PTPRD: variants seen among roughly 807,000 people sequenced by gnomAD.
PTPRD encodes the protein protein tyrosine phosphatase receptor type D, also known as receptor-type tyrosine-protein phosphatase delta.
Under a neutral mutation model 214.5 loss-of-function variants are expected in PTPRD, and 34 were observed. The observed-to-expected ratio is 0.16, with a 90% CI of 0.12 to 0.21. The LOEUF (loss-of-function observed/expected upper bound fraction) is 0.21, where lower values mean the gene tolerates loss of function less well. PTPRD is among the 10% of genes least tolerant of loss of function. The pLI, the probability that PTPRD is intolerant of heterozygous loss-of-function variation, is 1.00. For missense variants in PTPRD, 2,545 were observed against 2,398.7 expected (o/e 1.06, Z -1.27); for synonymous variants, 1,128 against 845.7 (o/e 1.33, Z -5.79).
chr9:9,588,036 G>A (rs577845794), intron 7 of PTPRD, among the ~76,000 whole-genome samples: 1 of 151,830 alleles, frequency 6.6e-6, no homozygotes, highest in Non-Finnish European at 1.5e-5. Flanking sequence ...TAATACACAA[G>A]ATCATGGATA....
intron 5 of PTPRD, among the ~76,000 whole-genome samples, chr9:9,804,322 G>C (rs1325947313): frequency 6.6e-6 from 1 of 152,018 alleles, no homozygotes; most frequent in African/African-American, 2.4e-5. Context: ...AGCCCGCTTG[G>C]AAATGGCTGG....
intron 3 of PTPRD, among the ~76,000 whole-genome samples, chr9:10,093,612 A>G (rs1262793728): frequency 1.3e-5 from 2 of 151,608 alleles, no homozygotes; most frequent in East Asian, 3.9e-4. Flanking sequence ...AAAGGAAAAT[A>G]CATTGTTCTA....
At chr9:9,885,394 T>C (rs1033351331) in intron 5 of PTPRD, among the ~76,000 whole-genome samples, 1 of 152,056 alleles carries the variant, frequency 6.6e-6, no homozygotes, top group Non-Finnish European at 1.5e-5. Flanking sequence ...AAAGTTCCAC[T>C]GAGAATTTCA....
Position 9,857,839 on chromosome 9 carries a change from G to C in PTPRD, c.-368+80668C>G, listed in dbSNP as rs1342243520. On this transcript the variant is annotated intron_variant, in intron 5 of 45. Coordinates refer to ENST00000381196, the MANE Select transcript of PTPRD (RefSeq NM_002839.4). ...CACATTTAGTATTTGTCTTCTGAAA[G>C]AGTATAAGTCTGGTTGAAGAAAGAG... 2.6e-5 allele frequency among the ~76,000 whole-genome samples: 4 copies of C among 152,152 alleles called. 1 individual carries two copies. Among genetic ancestry groups the C allele is most frequent in the Admixed American group, 2.6e-4 (4 of 15,270 alleles).
intron 6 of PTPRD, among the ~76,000 whole-genome samples, chr9:9,766,251 A>T (rs972950930): frequency 6.6e-6 from 1 of 152,154 alleles, no homozygotes; most frequent in African/African-American, 2.4e-5. Context: ...ATAGCATTCC[A>T]GTTTGAAATA....
chr9:8,919,946 A>C (rs913805152), intron 11 of PTPRD, among the ~76,000 whole-genome samples: 2 of 142,128 alleles, frequency 1.4e-5, no homozygotes, highest in Non-Finnish European at 3.2e-5. Context: ...ATGCATGTAC[A>C]CATGTATGTA....
At chr9:9,939,551 A>G (rs1013006333) in intron 4 of PTPRD, among the ~76,000 whole-genome samples, 1 of 152,180 alleles carries the variant, frequency 6.6e-6, no homozygotes, top group African/African-American at 2.4e-5. Context: ...GACCAGGTCA[A>G]TAAAACCTAT....
chr9:10,561,417 TTG>T (rs2063936063), intron 2 of PTPRD, among the ~76,000 whole-genome samples: 2 of 152,136 alleles, frequency 1.3e-5, no homozygotes, highest in South Asian at 4.1e-4. Context: ...GTTGAATAAT[TTG>T]TGTTATTTCT....
intron 8 of PTPRD, among the ~76,000 whole-genome samples, chr9:9,415,416 G>T (rs2076705089): frequency 1.3e-5 from 2 of 152,246 alleles, no homozygotes; most frequent in African/African-American, 4.8e-5. Context: ...AGAGGTTTCA[G>T]TGAGCCAAGA....
rs376507907 is a variant in PTPRD, at chr9:9,340,674, C to T, written c.-203+56775G>A. Among the ~76,000 whole-genome samples, 65 of 152,324 alleles carry T rather than the reference C, an allele frequency of 4.3e-4. 1 individual carries two copies. The highest frequency in any genetic ancestry group is 2.7e-3 in the South Asian group (13 of 4,830). ...ATGAATTGAATAGAGTTGGCCCCAG[C>T]TGGAAAGCTGTTGGACATGCTGTTG... On this transcript the variant is annotated intron_variant, in intron 9 of 45. Coordinates refer to ENST00000381196, the MANE Select transcript of PTPRD (RefSeq NM_002839.4).
chr9:9,363,110 GCT>G (rs1491168004), intron 9 of PTPRD, among the ~76,000 whole-genome samples: 2 of 70,952 alleles, frequency 2.8e-5, no homozygotes, highest in South Asian at 5.3e-4. Flanking sequence ...ACTATTTTGT[GCT>G]TTTTTTTTTT....
intron 2 of PTPRD, among the ~76,000 whole-genome samples, chr9:10,522,433 T>C (rs533844782): frequency 1.3e-5 from 2 of 152,276 alleles, no homozygotes; most frequent in East Asian, 1.9e-4. Context: ...GCCTGTTTTA[T>C]TTTTTAAGAC....
chr9:9,318,028 T>C (rs1017918826), intron 9 of PTPRD, among the ~76,000 whole-genome samples: 5 of 151,700 alleles, frequency 3.3e-5, no homozygotes, highest in Admixed American at 1.3e-4. Flanking sequence ...AAAATTAGCC[T>C]GATGTGGTGG....
rs538718777 is a variant in PTPRD, at chr9:9,218,879, G to T, written c.-202-35516C>A. ...CCAGAGGCAACACTGCAACCTCCCT[G>T]GGGCATTGTCTTGGTATTCCTTAAA... On this transcript the variant is annotated intron_variant, in intron 9 of 45. Coordinates refer to ENST00000381196, the MANE Select transcript of PTPRD (RefSeq NM_002839.4). Among the ~76,000 whole-genome samples the T allele has an allele frequency of 9.9e-5, 15 of 152,210 alleles. No homozygotes were observed. In the South Asian group the frequency reaches 3.1e-3, roughly 32 times the overall value.
At chr9:9,411,633 G>A (rs1399200868) in intron 8 of PTPRD, among the ~76,000 whole-genome samples, 1 of 152,196 alleles carries the variant, frequency 6.6e-6, no homozygotes, top group Non-Finnish European at 1.5e-5. Context: ...GAAGTTGAAA[G>A]GAGGTATTTG....
chr9:9,578,541 T>A (rs1023082040), intron 7 of PTPRD, among the ~76,000 whole-genome samples: 1 of 152,036 alleles, frequency 6.6e-6, no homozygotes, highest in African/African-American at 2.4e-5. Flanking sequence ...GGAAAATCAT[T>A]TTCAATAATA....
chr9:9,311,740 A>T (rs993805579), intron 9 of PTPRD, among the ~76,000 whole-genome samples: 9 of 152,190 alleles, frequency 5.9e-5, no homozygotes, highest in Non-Finnish European at 1.0e-4. Flanking sequence ...TAGCTCTACC[A>T]TTGTTTTAAA....
chr9:9,679,750 T>C (rs1367020382), intron 7 of PTPRD, among the ~76,000 whole-genome samples: 1 of 151,854 alleles, frequency 6.6e-6, no homozygotes, highest in African/African-American at 2.4e-5. Context: ...ACCAAAATCA[T>C]GAAGGCCTGA....
At chr9:9,942,971 G>A (rs923240237) in intron 4 of PTPRD, among the ~76,000 whole-genome samples, 6 of 150,700 alleles carry the variant, frequency 4.0e-5, no homozygotes, top group East Asian at 1.9e-4. Flanking sequence ...ATCACAAAGC[G>A]GTGCCACAGT....
Sources: allele counts gnomAD v4.1 joint callset (sites outside exome capture counted in the v4.1 genomes callset), GRCh38; gene constraint gnomAD v4.1.1; transcripts MANE v1.5; gene names NCBI Gene and HGNC (gene_info 2026-07-23, HGNC 2026-07-21).